Variants in SLC24A3 observed in about 807,000 individuals in gnomAD.
SLC24A3 encodes solute carrier family 24 member 3.
SLC24A3 carries 28 observed loss-of-function variants against 75.8 expected under a neutral mutation model. The observed-to-expected ratio is 0.37, with a 90% confidence interval of 0.27 to 0.51. SLC24A3 has a LOEUF of 0.51. SLC24A3 is among the 20% of genes least tolerant of loss of function. SLC24A3 has a pLI of 0.94. For missense variants in SLC24A3, 663 were observed against 847.8 expected (o/e 0.78, Z 2.71); for synonymous variants, 372 against 334.1 (o/e 1.11, Z -1.24).
At chr20:19,684,140 C>T (rs1047198594) in intron 10 of SLC24A3, 36 bp from the exon 11 acceptor site, 6 of 1,599,266 alleles carry the variant, frequency 3.8e-6, no homozygotes, top group Non-Finnish European at 5.1e-6. Context: ...CTCCTGGCCT[C>T]CATGTTATTT....
chr20:19,346,220 ATGTATATATGGTATATATATATGGTG>A (rs1985413390), intron 2 of SLC24A3, among the ~76,000 whole-genome samples: 2 of 84,894 alleles, frequency 2.4e-5, no homozygotes, highest in Non-Finnish European at 4.2e-5. Context: ...TATGGTGTAT[ATGTATATATGGTATATATATATGGTG>A]TATATATATA....
At chr20:19,572,446 G>C (rs2031068250) in intron 3 of SLC24A3, among the ~76,000 whole-genome samples, 1 of 152,064 alleles carries the variant, frequency 6.6e-6, no homozygotes, top group Admixed American at 6.6e-5. Context: ...AAACTCTGGA[G>C]ACAGCCTAGA....
At position 19,673,213 on chromosome 20, in the gene SLC24A3, TC is replaced by T. The variant is rs558037569; in HGVS notation, c.714-384del. ...TATATATACAGCAATCCCTCAGGCA[TC>T]CCCGGCAATTCCTCTAATTTTAGTT... On this transcript the variant is annotated intron_variant, in intron 8 of 16. Transcript: ENST00000328041. Among the ~76,000 whole-genome samples, 96 of 152,278 alleles carry T rather than the reference TC, an allele frequency of 6.3e-4. 1 individual carries two copies. Among genetic ancestry groups the T allele is most frequent in the African/African-American group, 2.3e-3 (95 of 41,544 alleles).
chr20:19,610,208 CTTT>C (rs1394132650), intron 6 of SLC24A3, among the ~76,000 whole-genome samples: 1 of 152,116 alleles, frequency 6.6e-6, no homozygotes, highest in Non-Finnish European at 1.5e-5. Flanking sequence ...TTCTCCCCTT[CTTT>C]TATTTTTCTT....
chr20:19,574,812 CAA>C (rs1459214308), intron 3 of SLC24A3, among the ~76,000 whole-genome samples: 1 of 152,178 alleles, frequency 6.6e-6, no homozygotes, highest in Non-Finnish European at 1.5e-5. Flanking sequence ...AAGAGTCACA[CAA>C]AGTCACACAG....
At chr20:19,658,264 A>G (rs2032287483) in intron 7 of SLC24A3, among the ~76,000 whole-genome samples, 1 of 148,678 alleles carries the variant, frequency 6.7e-6, no homozygotes, top group Admixed American at 6.7e-5. Flanking sequence ...GAGGGTTCAG[A>G]GGAGGGTCAG....
chr20:19,530,445 GCAA>G (rs2030275558), intron 3 of SLC24A3, among the ~76,000 whole-genome samples: 1 of 152,194 alleles, frequency 6.6e-6, no homozygotes, highest in Non-Finnish European at 1.5e-5. Context: ...GATGTCAGTA[GCAA>G]CAACTTGTTG....
intron 6 of SLC24A3, among the ~76,000 whole-genome samples, chr20:19,605,371 A>C (rs2031583836): frequency 6.6e-6 from 1 of 152,116 alleles, no homozygotes; most frequent in South Asian, 2.1e-4. Context: ...GTCTGTTTCC[A>C]ATTAAGACTT....
At chr20:19,268,536 T>A (rs1365429625) in intron 1 of SLC24A3, among the ~76,000 whole-genome samples, 1 of 152,194 alleles carries the variant, frequency 6.6e-6, no homozygotes, top group African/African-American at 2.4e-5. Context: ...TATCCAGATG[T>A]GGTAATCGGG....
At chr20:19,358,900 C>G (rs1194786836) in intron 2 of SLC24A3, among the ~76,000 whole-genome samples, 1 of 152,190 alleles carries the variant, frequency 6.6e-6, no homozygotes, top group African/African-American at 2.4e-5. Flanking sequence ...GCTTATTTCA[C>G]TTAGTATCAT....
At chr20:19,486,646 A>G (rs985833652) in intron 2 of SLC24A3, among the ~76,000 whole-genome samples, 4 of 152,288 alleles carry the variant, frequency 2.6e-5, no homozygotes, top group African/African-American at 9.6e-5. Flanking sequence ...CATCAACAGC[A>G]CTGACCTCCA....
At chr20:19,325,838 AGG>A (rs1491183774) in intron 2 of SLC24A3, among the ~76,000 whole-genome samples, 3,344 of 69,678 alleles carry the variant, frequency 0.048, 260 homozygotes, top group Middle Eastern at 0.12. Context: ...AGAGAGAGAG[AGG>A]GAGACATCTG....
At chr20:19,470,041 G>A (rs1187631442) in intron 2 of SLC24A3, among the ~76,000 whole-genome samples, 4 of 152,128 alleles carry the variant, frequency 2.6e-5, no homozygotes, top group South Asian at 2.1e-4. Context: ...AGCTCAGGTC[G>A]TTCCCACAGT....
intron 3 of SLC24A3, among the ~76,000 whole-genome samples, chr20:19,520,180 T>C (rs1229494444): frequency 6.6e-6 from 1 of 152,194 alleles, no homozygotes; most frequent in Non-Finnish European, 1.5e-5. Context: ...GGGCTGCTAA[T>C]TAGTCCAGCA....
intron 3 of SLC24A3, among the ~76,000 whole-genome samples, chr20:19,577,828 C>A (rs1194440787): frequency 6.6e-6 from 1 of 152,170 alleles, no homozygotes; most frequent in Non-Finnish European, 1.5e-5. Flanking sequence ...GAATGATGAA[C>A]CACAGTTTAT....
chr20:19,331,468 T>C (rs6081573), intron 2 of SLC24A3, among the ~76,000 whole-genome samples: 47,260 of 140,316 alleles, frequency 0.34, 7,880 homozygotes, highest in Middle Eastern at 0.52. Flanking sequence ...AGAGAGATAA[T>C]AGATAGAGAT....
chr20:19,369,133 A>G (rs1985946789), intron 2 of SLC24A3, among the ~76,000 whole-genome samples: 1 of 152,280 alleles, frequency 6.6e-6, no homozygotes, highest in African/African-American at 2.4e-5. Flanking sequence ...GTTTCAAACT[A>G]TATCCCCTTA....
At chr20:19,397,647 CTTTTT>C (rs3057518) in intron 2 of SLC24A3, among the ~76,000 whole-genome samples, 16,783 of 117,244 alleles carry the variant, frequency 0.14, 1,303 homozygotes, top group East Asian at 0.31. Flanking sequence ...TTTTTCTTTT[CTTTTT>C]TTTTTTTTTT....
intron 6 of SLC24A3, among the ~76,000 whole-genome samples, chr20:19,621,181 C>T (rs1213583732): frequency 2.6e-5 from 4 of 152,196 alleles, no homozygotes; most frequent in Non-Finnish European, 4.4e-5. Context: ...AGAATTCTTC[C>T]TGATTAACAT....
Sources: allele counts gnomAD v4.1 joint callset (sites outside exome capture counted in the v4.1 genomes callset), GRCh38; gene constraint gnomAD v4.1.1; transcripts MANE v1.5; gene names NCBI Gene and HGNC (gene_info 2026-07-23, HGNC 2026-07-21).